Variants in MBD6 observed in about 807,000 individuals in gnomAD.
MBD6 encodes the protein methyl-CpG-binding domain protein 6.
MBD6 carries 22 observed loss-of-function variants against 66.8 expected under a neutral mutation model. The ratio of observed to expected loss-of-function variants is 0.33; its 90% CI spans 0.24 to 0.47. MBD6 has a LOEUF of 0.47. Among genes scored for constraint, MBD6 ranks in the 20% least tolerant of loss-of-function variants. MBD6 has a pLI of 1.00. For synonymous variants in MBD6, 540 were observed against 534.6 expected, an observed-to-expected ratio of 1.01 and a Z score of -0.14; for missense variants, 1,322 against 1,286.9, an observed-to-expected ratio of 1.03 and a Z score of -0.42.
Position 57,525,975 on chromosome 12 carries a change from C to A in MBD6, c.1007C>A (p.Pro336His), listed in dbSNP as rs753517788. 1 of 1,613,742 alleles carries A rather than the reference C, an allele frequency of 6.2e-7. No individual in the cohort carries two copies. The highest frequency in any genetic ancestry group is 1.1e-5 in the South Asian group (1 of 91,074). ...GCCAAGGCACAGCATCCCCCACTAC[C>A]CCCTCCCAGCACTTTACAGGGCCGA... Reference protein sequence around the residue: ...AAAKAQHPPLPPPSTLQGRRP... With the variant: ...AAAKAQHPPLHPPSTLQGRRP... The change falls in exon 6 of 13, where the codon CCC becomes CAC. Residue 336 changes from proline to histidine, a missense_variant. Coordinates refer to ENST00000355673, the MANE Select transcript of MBD6 (RefSeq NM_052897.4).
intron 12 of MBD6, 60 bp downstream of exon 12, chr12:57,529,069 A>G (rs1879324329): frequency 1.2e-6 from 2 of 1,613,486 alleles, no homozygotes; most frequent in Non-Finnish European, 1.7e-6. Flanking sequence ...AGGCGGCAGG[A>G]GGAAAGGAGG....
At chr12:57,530,801 T>C (rs751054310), downstream of MBD6, 2 of 1,589,708 alleles carry the variant, frequency 1.3e-6, no homozygotes, top group Admixed American at 3.3e-5. Flanking sequence ...GAGGTTTTAC[T>C]CTTTGTCAGG....
downstream of MBD6, among the ~76,000 whole-genome samples, chr12:57,531,525 AAAAC>A (rs1681251053): frequency 6.6e-6 from 1 of 152,202 alleles, no homozygotes; most frequent in Admixed American, 6.5e-5. Flanking sequence ...TTAAAAATAA[AAAAC>A]AATAAGAAAT....
chr12:57,527,248 G>A, intron 7 of MBD6, 21 bp downstream of exon 7: 1 of 1,446,210 alleles, frequency 6.9e-7, no homozygotes, highest in Non-Finnish European at 9.3e-7. Flanking sequence ...GGGTGAGTAG[G>A]TGGGACAGAA....
upstream of MBD6, chr12:57,521,486 C>CA (rs1481523309): frequency 1.3e-5 from 2 of 152,152 alleles, no homozygotes; most frequent in Non-Finnish European, 2.9e-5. Context: ...ACAAAACAAA[C>CA]AAACAAAAAA....
At position 57,525,610 on chromosome 12, in the gene MBD6, A is replaced by G; in HGVS notation, c.642A>G (p.Pro214=). Residue 214 remains proline, a synonymous_variant, in exon 6 of 13, where the codon CCA becomes CCG. Transcript: ENST00000355673. The part of the protein sequence containing the change: ...LPRGNAPSPA[P]PPPPAISLNA... The stretch of plus-strand genomic sequence containing the variant: ...GGGGCAATGCCCCCTCTCCAGCCCC[A>G]CCTCCTCCACCTGCTATCAGCCTCA... 6.2e-7 allele frequency: 1 copy of G among 1,609,208 alleles called. No homozygotes were observed.
At position 57,525,026 on chromosome 12, in the gene MBD6, T is replaced by G. The variant is rs1239573375; in HGVS notation, c.290T>G (p.Met97Arg). 1 of 1,613,360 alleles carries G rather than the reference T, an allele frequency of 6.2e-7. No homozygotes were observed. The highest frequency in any genetic ancestry group is 8.5e-7 in the Non-Finnish European group (1 of 1,179,766). The change falls in exon 5 of 13, where the codon ATG becomes AGG. Residue 97 changes from methionine to arginine, a missense_variant. By Grantham distance (91) the Met-to-Arg change is moderately conservative. Transcript: ENST00000355673. ...GTGGGGCCAGCATCAGAGGAGGACA[T>G]GACCAAGCTGTGCAACCACCGGCGG... ...AGVGPASEED[M>R]TKLCNHRRKA...
In MBD6 at chr12:57,525,001, G is replaced by A. The variant is rs762781008; in HGVS notation, c.265G>A (p.Val89Met). The A allele has an allele frequency of 1.2e-6, 2 of 1,610,948 alleles. No individual in the cohort carries two copies. Among genetic ancestry groups the A allele is most frequent in the Non-Finnish European group, 1.7e-6 (2 of 1,178,178 alleles). The part of the protein sequence containing the change: ...LAPVTPGGAG[V>M]GPASEEDMTK... ...CCCGGTGACCCCGGGTGGGGCTGGG[G>A]TGGGGCCAGCATCAGAGGAGGACAT... The change falls in exon 5 of 13, where the codon GTG becomes ATG. Residue 89 changes from valine (V) to methionine (M), a missense_variant. Transcript: ENST00000355673.
At chr12:57,521,064 A>G (rs1429108067), upstream of MBD6, 1 of 152,286 alleles carries the variant, frequency 6.6e-6, no homozygotes, top group African/African-American at 2.4e-5. Flanking sequence ...AGGGACTCCC[A>G]TATTTCTTGG....
Position 57,526,967 on chromosome 12 carries a change from T to G in MBD6, c.1822T>G (p.Ser608Ala), listed in dbSNP as rs1252851411. The change falls in exon 7 of 13, where the codon TCA (serine) becomes GCA (alanine). Residue 608 changes from serine to alanine, a missense_variant. Ser to Ala is a moderately conservative substitution (Grantham distance 99). Coordinates refer to ENST00000355673, the MANE Select transcript of MBD6 (RefSeq NM_052897.4). The part of the protein sequence containing the change: ...LVASLLPPPP[S>A]DLLPPPSAPP... The stretch of plus-strand genomic sequence containing the variant: ...GGCTTCCTTGCTTCCTCCACCACCC[T>G]CAGACCTTCTTCCACCTCCTTCAGC... 7 of 1,612,962 alleles carry G rather than the reference T, an allele frequency of 4.3e-6. No individual in the cohort carries two copies. In the Admixed American group the frequency reaches 1.2e-4, roughly 27 times the overall value.
intron 3 of MBD6, 74 bp downstream of exon 3, chr12:57,524,490 A>G: frequency 7.4e-7 from 1 of 1,342,816 alleles, no homozygotes; most frequent in South Asian, 1.3e-5. Context: ...TTCTTCTCTC[A>G]GCTCAGCTCT....
At position 57,525,886 on chromosome 12, in the gene MBD6, G is replaced by A. The variant is rs1029244404; in HGVS notation, c.918G>A (p.Gly306=). 3.7e-6 allele frequency: 6 copies of A among 1,612,892 alleles called. No homozygotes were observed. The South Asian group carries it at 5.5e-5, about 15-fold the overall frequency. Residue 306 remains glycine (G), a synonymous_variant, in exon 6 of 13, where the codon GGG becomes GGA. Transcript: ENST00000355673. Reference sequence around the variant, plus strand: ...CCCTGGTCCTGGGGCCCCTGGGAGGGGCCCCCACGGTGGAGGGGCCTGGGG... The same window carrying A: ...CCCTGGTCCTGGGGCCCCTGGGAGGAGCCCCCACGGTGGAGGGGCCTGGGG... The part of the protein sequence containing the change: ...HLPLVLGPLG[G]APTVEGPGAP...
At position 57,526,255 on chromosome 12, in the gene MBD6, C is replaced by T. The variant is rs1455992623; in HGVS notation, c.1287C>T (p.Ser429=). The change falls in exon 6 of 13, where the codon AGC becomes AGT. Residue 429 remains serine, a synonymous_variant. Transcript: ENST00000355673. The part of the protein sequence containing the change: ...PTPGPSHSDG[S]FNLLGSDAHL... ...CTGGCCCTTCCCACTCTGATGGAAG[C>T]TTTAACCTTTTGGGGTCAGATGCAC... The T allele has an allele frequency of 2.5e-6, 4 of 1,613,804 alleles. No homozygotes were observed. The Admixed American group carries it at 5.0e-5, about 20-fold the overall frequency.
chr12:57,526,618 G>A lies in MBD6; in HGVS notation c.1473G>A (p.Val491=). 6.6e-7 allele frequency: 1 copy of A among 1,513,250 alleles called. No homozygotes were observed. The highest frequency in any genetic ancestry group is 8.8e-7 in the Non-Finnish European group (1 of 1,131,774). 93.7% of individuals were successfully genotyped at this position (1,513,250 alleles called of 1,614,324 possible). ...AAGCCCCAGTAGTCCCCAGCCCTGT[G>A]CTTCAAAGCCCATCCGAAGGACTGG... ...ASKAPVVPSP[V]LQSPSEGLGM... Residue 491 remains valine, a synonymous_variant, in exon 7 of 13, where the codon GTG becomes GTA. Coordinates refer to ENST00000355673, the MANE Select transcript of MBD6 (RefSeq NM_052897.4).
At chr12:57,530,650 G>A (rs377210827), downstream of MBD6, 74 of 1,545,732 alleles carry the variant, frequency 4.8e-5, no homozygotes, top group African/African-American at 8.6e-4. Context: ...GAGTTCACAG[G>A]GGTAGGGATA....
chr12:57,523,280 C>G (rs1878560377), intron 1 of MBD6: 1 of 151,862 alleles, frequency 6.6e-6, no homozygotes, highest in East Asian at 1.9e-4. Flanking sequence ...GGGAAGCAGT[C>G]TGGGTGACAG....
downstream of MBD6, chr12:57,530,743 T>C: frequency 1.2e-6 from 2 of 1,613,990 alleles, no homozygotes; most frequent in South Asian, 1.1e-5. Context: ...TCCCCTCAAC[T>C]GTGGCCAGGT....
chr12:57,524,932 T>C (rs766371583), intron 4 of MBD6, 21 bp from the exon 5 acceptor site: 3 of 1,600,870 alleles, frequency 1.9e-6, no homozygotes, highest in South Asian at 2.2e-5. Context: ...AGGGTCCCTG[T>C]CCTTGCTTTC....
chr12:57,527,516 C>A lies in MBD6; in HGVS notation c.2092C>A (p.Leu698Met), dbSNP rs1879088353. ...PSGTPPQPCV[L>M]SAPQPGPPTS... ...CATTCTTTTTTCTTAGCCCTGTGTC[C>A]TGAGTGCCCCCCAACCTGGACCACC... is the stretch of plus-strand genomic sequence containing the variant. The change falls in exon 8 of 13, where the codon CTG (leucine) becomes ATG (methionine). Residue 698 changes from leucine (L) to methionine (M), a missense_variant. Transcript: ENST00000355673. The A allele has an allele frequency of 6.2e-7, 1 of 1,614,012 alleles. No homozygotes were observed. Among genetic ancestry groups the A allele is most frequent in the African/African-American group, 1.3e-5 (1 of 74,912 alleles).
Sources: gnomAD v4.1 joint callset for allele counts (sites outside exome capture counted in the v4.1 genomes callset) on GRCh38, gnomAD v4.1.1 for gene constraint, MANE v1.5 for transcripts, NCBI Gene and HGNC (gene_info 2026-07-23, HGNC 2026-07-21) for gene names.